PARP10: variants seen among roughly 807,000 people sequenced by gnomAD.
The protein encoded by PARP10 is protein mono-ADP-ribosyltransferase PARP10.
Under a neutral mutation model 82.4 loss-of-function variants are expected in PARP10, and 56 were observed. The observed-to-expected ratio is 0.68, with a 90% CI of 0.55 to 0.85. The LOEUF is 0.85. Among genes scored for constraint, PARP10 ranks in the 40% least tolerant of loss-of-function variants. The pLI, the probability that PARP10 is intolerant of heterozygous loss-of-function variation, is 0.00. For synonymous variants in PARP10, 576 were observed against 601.1 expected (o/e 0.96, Z 0.61); for missense variants, 1,227 against 1,379.4 (o/e 0.89, Z 1.75).
Position 143,977,222 on chromosome 8 carries a change from G to T in PARP10, c.*262C>A. 1 of 513,888 alleles carries T rather than the reference G, an allele frequency of 1.9e-6. No individual in the cohort carries two copies. The highest frequency in any genetic ancestry group is 3.4e-6 in the Non-Finnish European group (1 of 294,120). 31.8% of individuals were successfully genotyped at this position (513,888 alleles called of 1,614,324 possible). ...TTCAAACAACAGAGCCGACTCGGGC[G>T]AGGTCTGGGAGCGGCGGGCGGGCGG... is the stretch of plus-strand genomic sequence containing the variant. On this transcript the variant is annotated 3_prime_UTR_variant, in exon 11 of 11. Transcript: ENST00000313028.
At chr8:143,992,898 CT>C, upstream of PARP10, 1 of 1,523,078 alleles carries the variant, frequency 6.6e-7, no homozygotes, top group South Asian at 1.2e-5. Flanking sequence ...GACCCTGCCC[CT>C]GGCACGGCAG....
At position 143,978,124 on chromosome 8, in the gene PARP10, C is replaced by T. The variant is rs781830978; in HGVS notation, c.2557-43G>A. The T allele has an allele frequency of 3.4e-6, 5 of 1,454,588 alleles. No homozygotes were observed. In the South Asian group the frequency reaches 6.9e-5, roughly 20 times the overall value. The allele number at this position is 1,454,588 out of a possible 1,614,324, so 90.1% of individuals were successfully genotyped here. On this transcript the variant is annotated intron_variant, in intron 9 of 10. Coordinates refer to ENST00000313028, the MANE Select transcript of PARP10 (RefSeq NM_032789.5). ...GCCAGGATTAAACACCCTCCCTACG[C>T]CCTGGGGCCGACGCAGGGCAGAGCT...
chr8:143,977,781 C>A lies in PARP10; in HGVS notation c.2781G>T (p.Ser927=). The change falls in exon 11 of 11, where the codon TCG becomes TCT. Residue 927 remains serine (S), a synonymous_variant. Transcript: ENST00000313028. The stretch of plus-strand genomic sequence containing the variant: ...TGGGGGGCGAGTAGCGGTCCTGCAC[C>A]GACAGGGAGGCGCGCCTGGCGAAAT... ...GVYFARRASL[S]VQDRYSPPNA... is the part of the protein sequence containing the mutation. 6.2e-7 allele frequency: 1 copy of A among 1,603,702 alleles called. No homozygotes were observed. Among genetic ancestry groups the A allele is most frequent in the South Asian group, 1.1e-5 (1 of 89,914 alleles).
upstream of PARP10, among the ~76,000 whole-genome samples, chr8:143,994,597 C>T (rs577056551): frequency 6.6e-6 from 1 of 152,232 alleles, no homozygotes. Context: ...CCTGCACAAC[C>T]TGAGTCACGA....
chr8:143,980,027 A>C (rs1373625981), intron 9 of PARP10, among the ~76,000 whole-genome samples: 1 of 137,160 alleles, frequency 7.3e-6, no homozygotes, highest in Non-Finnish European at 1.6e-5. Context: ...AAAAAAAAAA[A>C]AAAACCCGTC....
chr8:143,992,793 C>T (rs782627993), upstream of PARP10: 2 of 1,613,826 alleles, frequency 1.2e-6, no homozygotes, highest in East Asian at 2.2e-5. Flanking sequence ...CAGACATCAT[C>T]AACATCTTCC....
At chr8:144,004,636 G>C (rs989595846) in intron 1 of PARP10, among the ~76,000 whole-genome samples, 4 of 152,224 alleles carry the variant, frequency 2.6e-5, no homozygotes, top group South Asian at 2.1e-4. Flanking sequence ...AGAGATTCCT[G>C]ATGAAAATTC....
At chr8:143,991,103 C>A (rs1158791437), upstream of PARP10, 1 of 655,414 alleles carries the variant, frequency 1.5e-6, no homozygotes, top group Non-Finnish European at 2.6e-6. Flanking sequence ...CCCTTGCTTC[C>A]CCCTGGGTTC....
At chr8:143,984,505 G>A in intron 5 of PARP10, 39 bp downstream of exon 5, 2 of 1,591,300 alleles carry the variant, frequency 1.3e-6, no homozygotes, top group African/African-American at 1.3e-5. Flanking sequence ...CCAGTAGGAG[G>A]AGGGGGCTGA....
chr8:143,985,670 G>C (rs1833972337), intron 3 of PARP10, 22 bp from the exon 4 acceptor site: 1 of 1,606,334 alleles, frequency 6.2e-7, no homozygotes, highest in Non-Finnish European at 8.5e-7. Flanking sequence ...GTGCAGGTCA[G>C]CTCAGGGAAT....
At chr8:144,005,187 A>C (rs1474660205) in intron 1 of PARP10, among the ~76,000 whole-genome samples, 1 of 151,842 alleles carries the variant, frequency 6.6e-6, no homozygotes, top group Non-Finnish European at 1.5e-5. Context: ...TCAAAAAAAA[A>C]AAAAAAGCTA....
intron 1 of PARP10, among the ~76,000 whole-genome samples, chr8:143,996,168 C>T (rs781986737): frequency 6.6e-6 from 1 of 152,326 alleles, no homozygotes; most frequent in East Asian, 1.9e-4. Context: ...CAAGCATGGG[C>T]GTGTCCCCGG....
chr8:143,999,068 C>A (rs1554751490), intron 1 of PARP10, among the ~76,000 whole-genome samples: 5 of 151,120 alleles, frequency 3.3e-5, no homozygotes. Context: ...TGTCTTTCAA[C>A]AGGGTCTCTG....
At position 143,977,639 on chromosome 8, in the gene PARP10, A is replaced by G; in HGVS notation, c.2923T>C (p.Tyr975His). 1.3e-6 allele frequency: 2 copies of G among 1,593,082 alleles called. No individual in the cohort carries two copies. The highest frequency in any genetic ancestry group is 2.3e-5 in the South Asian group (2 of 88,298). The change falls in exon 11 of 11, where the codon TAC becomes CAC. Residue 975 changes from tyrosine (Y) to histidine (H), a missense_variant. By Grantham distance (83) the Tyr-to-His change is moderately conservative (BLOSUM62 2). Transcript: ENST00000313028. ...LRGPGHVLLRYDSAVDCICQP... is the reference protein window; with the variant it reads ...LRGPGHVLLRHDSAVDCICQP... The stretch of plus-strand genomic sequence containing the variant: ...CAGATGCAGTCCACGGCGCTGTCGT[A>G]GCGCAGGAGCACGTGGCCAGGACCC...
chr8:144,006,316 A>T (rs1250210893), intron 1 of PARP10, among the ~76,000 whole-genome samples: 1 of 152,214 alleles, frequency 6.6e-6, no homozygotes, highest in African/African-American at 2.4e-5. Flanking sequence ...TCTCACACTC[A>T]CAACGACAGC....
intron 1 of PARP10, among the ~76,000 whole-genome samples, chr8:144,005,249 C>T (rs1022765701): frequency 6.6e-6 from 1 of 151,328 alleles, no homozygotes; most frequent in Admixed American, 6.6e-5. Flanking sequence ...CCACCAAGTC[C>T]GAGATGAGCT....
chr8:144,005,775 C>T (rs1834232224), intron 1 of PARP10, among the ~76,000 whole-genome samples: 2 of 152,168 alleles, frequency 1.3e-5, no homozygotes, highest in Admixed American at 1.3e-4. Context: ...CCTTCTCATT[C>T]CCTGCTTTCT....
At chr8:143,979,482 G>A (rs1833796335) in intron 9 of PARP10, among the ~76,000 whole-genome samples, 1 of 152,192 alleles carries the variant, frequency 6.6e-6, no homozygotes, top group Admixed American at 6.5e-5. Flanking sequence ...TTTTGAACCT[G>A]AACACTATAT....
chr8:144,012,449 G>A (rs894263950), intron 1 of PARP10: 54 of 1,421,112 alleles, frequency 3.8e-5, no homozygotes, highest in Admixed American at 8.0e-5. Context: ...GGCAAGGCCT[G>A]GGGCCCTGGG....
Sources: allele counts gnomAD v4.1 joint callset (sites outside exome capture counted in the v4.1 genomes callset), GRCh38; gene constraint gnomAD v4.1.1; transcripts MANE v1.5; gene names NCBI Gene and HGNC (gene_info 2026-07-23, HGNC 2026-07-21).